Variants in AAMDC observed in about 807,000 individuals in gnomAD.
AAMDC encodes mth938 domain-containing protein.
Under a neutral mutation model 15.5 loss-of-function variants are expected in AAMDC, and 16 were observed. That is an observed-to-expected ratio of 1.03 (90% CI 0.70 to 1.57). The LOEUF is 1.57. Ranked by LOEUF, AAMDC falls within the 40% of genes most tolerant of loss-of-function variation. AAMDC has a pLI of 0.00. For missense variants in AAMDC, 141 were observed against 144.9 expected (o/e 0.97, Z 0.14); for synonymous variants, 51 against 51.6 (o/e 0.99, Z 0.05).
intron 5 of AAMDC, chr11:77,883,957 A>G: frequency 6.2e-7 from 1 of 1,612,180 alleles, no homozygotes; most frequent in Non-Finnish European, 8.5e-7. Context: ...TAAGACCTAA[A>G]GGGTGACAGA....
intron 1 of AAMDC, among the ~76,000 whole-genome samples, chr11:77,835,710 G>C (rs888017431): frequency 7.2e-5 from 11 of 152,110 alleles, no homozygotes; most frequent in African/African-American, 2.7e-4. Flanking sequence ...CTTGAGATCA[G>C]GAATTTGAGA....
chr11:77,883,449 T>C (rs184477727), intron 5 of AAMDC, among the ~76,000 whole-genome samples: 17 of 152,298 alleles, frequency 1.1e-4, no homozygotes, highest in African/African-American at 3.4e-4. Context: ...AGAATTATTA[T>C]TGTCATTTGG....
chr11:77,837,593 G>A (rs542405491), intron 1 of AAMDC, among the ~76,000 whole-genome samples: 16 of 150,624 alleles, frequency 1.1e-4, no homozygotes, highest in South Asian at 2.1e-4. Context: ...GCATCACTAC[G>A]CCCGGCTAAT....
chr11:77,879,813 G>T (rs1951724585), intron 5 of AAMDC, among the ~76,000 whole-genome samples: 1 of 152,162 alleles, frequency 6.6e-6, no homozygotes, highest in South Asian at 2.1e-4. Flanking sequence ...AACCAAGCCT[G>T]CAAGAAGTAC....
intron 1 of AAMDC, among the ~76,000 whole-genome samples, chr11:77,830,456 A>G (rs1949368639): frequency 6.6e-6 from 1 of 151,938 alleles, no homozygotes; most frequent in Non-Finnish European, 1.5e-5. Flanking sequence ...ACCTGCCGTG[A>G]ATCAAACTGC....
intron 2 of AAMDC, among the ~76,000 whole-genome samples, chr11:77,850,132 C>T (rs1220346579): frequency 6.6e-6 from 1 of 152,122 alleles, no homozygotes; most frequent in Non-Finnish European, 1.5e-5. Flanking sequence ...AACATTCCCT[C>T]TGAGATAGGT....
chr11:77,903,667 C>T, downstream of AAMDC: 1 of 1,450,394 alleles, frequency 6.9e-7, no homozygotes, highest in Non-Finnish European at 9.6e-7. Flanking sequence ...GTCACAAAGA[C>T]TGGCCTATCA....
At chr11:77,852,224 C>CAAAAAAAAAAAAAAAAAAAAAA (rs545742213) in intron 2 of AAMDC, among the ~76,000 whole-genome samples, 31 of 33,464 alleles carry the variant, frequency 9.3e-4, no homozygotes, top group Non-Finnish European at 1.2e-3. Flanking sequence ...GACACTGTCT[C>CAAAAAAAAAAAAAAAAAAAAAA]AAAAAAAAAA....
intron 2 of AAMDC, among the ~76,000 whole-genome samples, chr11:77,858,302 CTTTTTT>C (rs71473358): frequency 8.7e-5 from 6 of 69,348 alleles, no homozygotes; most frequent in Non-Finnish European, 1.5e-4. Context: ...TTAAGCAATT[CTTTTTT>C]TTTTTTTTTT....
chr11:77,878,694 C>T, intron 5 of AAMDC: 2 of 688,804 alleles, frequency 2.9e-6, no homozygotes, highest in Non-Finnish European at 5.2e-6. Context: ...ACACGCATTT[C>T]TTTACAGACC....
intron 1 of AAMDC, among the ~76,000 whole-genome samples, chr11:77,828,651 C>G (rs1191732483): frequency 5.2e-5 from 7 of 133,534 alleles, no homozygotes; most frequent in African/African-American, 2.0e-4. Context: ...GCCTGGGCAA[C>G]AGAGTGAGAC....
chr11:77,830,119 A>ACCCT (rs1949353869), intron 1 of AAMDC: 1 of 152,252 alleles, frequency 6.6e-6, no homozygotes. Flanking sequence ...ACAGAGCAAG[A>ACCCT]CCCTGTACCT....
intron 2 of AAMDC, 58 bp from the exon 3 acceptor site, chr11:77,869,664 C>A: frequency 1.4e-6 from 2 of 1,459,476 alleles, no homozygotes; most frequent in Non-Finnish European, 9.6e-7. Flanking sequence ...CACAAGAATG[C>A]CTATTGCAAT....
At chr11:77,848,021 T>C (rs974264413) in intron 2 of AAMDC, among the ~76,000 whole-genome samples, 3 of 152,198 alleles carry the variant, frequency 2.0e-5, no homozygotes, top group African/African-American at 4.8e-5. Flanking sequence ...ATGGATTGGA[T>C]GATGCCTACC....
chr11:77,852,623 A>G (rs1269764808), intron 2 of AAMDC, among the ~76,000 whole-genome samples: 1 of 152,146 alleles, frequency 6.6e-6, no homozygotes, highest in Non-Finnish European at 1.5e-5. Flanking sequence ...AGAAAGTCTT[A>G]TTCACCTCCC....
At chr11:77,862,061 A>G (rs1950903641) in intron 2 of AAMDC, among the ~76,000 whole-genome samples, 1 of 152,160 alleles carries the variant, frequency 6.6e-6, no homozygotes. Flanking sequence ...GACATAATTG[A>G]ATAATTCATA....
At chr11:77,894,245 AT>A (rs1339229233) in intron 5 of AAMDC, 2 of 1,038,480 alleles carry the variant, frequency 1.9e-6, no homozygotes, top group Admixed American at 2.0e-5. Flanking sequence ...GCTATACTCC[AT>A]GTAACCAAGA....
chr11:77,885,083 CTTTTTT>C (rs1951946847), intron 5 of AAMDC, among the ~76,000 whole-genome samples: 1 of 151,614 alleles, frequency 6.6e-6, no homozygotes, highest in South Asian at 2.1e-4. Context: ...TTTTCTTTTT[CTTTTTT>C]CTTTTCTTGA....
chr11:77,857,359 A>T (rs1565208131), intron 2 of AAMDC, among the ~76,000 whole-genome samples: 1 of 152,210 alleles, frequency 6.6e-6, no homozygotes, highest in African/African-American at 2.4e-5. Context: ...CAGGAAAAAC[A>T]TATGTCTAGA....
Sources: gnomAD v4.1 joint callset for allele counts (sites outside exome capture counted in the v4.1 genomes callset) on GRCh38, gnomAD v4.1.1 for gene constraint, MANE v1.5 for transcripts, NCBI Gene and HGNC (gene_info 2026-07-23, HGNC 2026-07-21) for gene names.